Variants in ZNF667 observed in about 807,000 individuals in gnomAD.
The protein encoded by ZNF667 is zinc finger protein 667.
ZNF667 carries 13 observed loss-of-function variants against 31.8 expected under a neutral mutation model. The ratio of observed to expected loss-of-function variants is 0.41; its 90% CI spans 0.27 to 0.65. The LOEUF (loss-of-function observed/expected upper bound fraction) is 0.65. Among genes scored for constraint, ZNF667 ranks in the 30% least tolerant of loss-of-function variants. The pLI is 0.32. For missense variants in ZNF667, 642 were observed against 725.6 expected (o/e 0.88, Z 1.32); for synonymous variants, 228 against 247.1 (o/e 0.92, Z 0.73).
intron 5 of ZNF667, among the ~76,000 whole-genome samples, chr19:56,459,487 T>C (rs1307281879): frequency 6.6e-6 from 1 of 152,148 alleles, no homozygotes; most frequent in Non-Finnish European, 1.5e-5. Flanking sequence ...CTCAGAAGTA[T>C]AAACAAACCA....
At chr19:56,451,464 G>C (rs1054028608) in intron 6 of ZNF667, among the ~76,000 whole-genome samples, 1 of 152,152 alleles carries the variant, frequency 6.6e-6, no homozygotes, top group African/African-American at 2.4e-5. Flanking sequence ...GGACCTAATA[G>C]ATATTTACAG....
At chr19:56,456,812 T>C (rs2042939878) in intron 6 of ZNF667, among the ~76,000 whole-genome samples, 1 of 152,250 alleles carries the variant, frequency 6.6e-6, no homozygotes, top group African/African-American at 2.4e-5. Flanking sequence ...GATAACTCTA[T>C]GTATAAACTG....
intron 6 of ZNF667, among the ~76,000 whole-genome samples, chr19:56,449,048 A>G (rs1469116204): frequency 6.6e-6 from 1 of 151,306 alleles, no homozygotes; most frequent in Non-Finnish European, 1.5e-5. Context: ...ATCTTACCAA[A>G]GACCACCAAG....
At chr19:56,458,274 G>T in intron 5 of ZNF667, 27 bp from the exon 6 acceptor site, 1 of 1,603,516 alleles carries the variant, frequency 6.2e-7, no homozygotes, top group Non-Finnish European at 8.5e-7. Context: ...CATGGGAAAT[G>T]ATCATAAATG....
intron 3 of ZNF667, among the ~76,000 whole-genome samples, chr19:56,470,410 T>C (rs1568455358): frequency 2.0e-5 from 3 of 152,206 alleles, no homozygotes; most frequent in African/African-American, 7.2e-5. Context: ...CTCCTTTCTA[T>C]GCATCACACC....
At chr19:56,470,439 T>A (rs1462966221) in intron 3 of ZNF667, among the ~76,000 whole-genome samples, 2 of 152,172 alleles carry the variant, frequency 1.3e-5, no homozygotes, top group Non-Finnish European at 2.9e-5. Context: ...TAACCTTGAA[T>A]GGCAAATCAA....
intron 3 of ZNF667, among the ~76,000 whole-genome samples, chr19:56,464,410 C>T (rs899847753): frequency 9.9e-5 from 15 of 152,234 alleles, no homozygotes; most frequent in Admixed American, 2.0e-4. Flanking sequence ...GGGAGGATTG[C>T]TTGAGCCTGG....
intron 2 of ZNF667, chr19:56,473,149 T>C (rs2043329158): frequency 1.3e-5 from 2 of 152,226 alleles, no homozygotes; most frequent in Admixed American, 6.5e-5. Flanking sequence ...GCAGAGTTTA[T>C]AGAAAGGGGC....
At chr19:56,456,969 C>A (rs545222063) in intron 6 of ZNF667, among the ~76,000 whole-genome samples, 11 of 152,262 alleles carry the variant, frequency 7.2e-5, no homozygotes, top group African/African-American at 2.6e-4. Flanking sequence ...GTGCTTCCAT[C>A]TGGCTTCCGT....
chr19:56,458,866 C>T (rs748722156), intron 5 of ZNF667, among the ~76,000 whole-genome samples: 3 of 152,146 alleles, frequency 2.0e-5, no homozygotes, highest in Non-Finnish European at 2.9e-5. Context: ...ATAAGTAAAG[C>T]GCCTCCCTGA....
At chr19:56,473,642 T>A (rs576837623) in intron 2 of ZNF667, among the ~76,000 whole-genome samples, 1 of 152,140 alleles carries the variant, frequency 6.6e-6, no homozygotes, top group South Asian at 2.1e-4. Flanking sequence ...ATCTAGTGAG[T>A]GGAGGCCAGG....
At position 56,441,531 on chromosome 19, in the gene ZNF667, T is replaced by G; in HGVS notation, c.1464A>C (p.Arg488=). 1 of 1,614,228 alleles carries G rather than the reference T, an allele frequency of 6.2e-7. No individual in the cohort carries two copies. Among genetic ancestry groups the G allele is most frequent in the Non-Finnish European group, 8.5e-7 (1 of 1,180,050 alleles). ...TATCTTCAGTATGAATTCTCTTATG[T>G]CGTGTGAGAGATATTCGGTGGCTGA... ...KAFSHRISLT[R]HKRIHTEDRP... is the part of the protein sequence containing the mutation. The change falls in exon 7 of 7, where the codon CGA becomes CGC. Residue 488 remains arginine, a synonymous_variant. Coordinates refer to ENST00000504904, the MANE Select transcript of ZNF667 (RefSeq NM_001321356.2). This position sits in a 1 kb window ranked among gnomAD's most constrained non-coding sequence, Gnocchi z 4.2.
chr19:56,477,988 A>C (rs2043454822), upstream of ZNF667: 1 of 152,408 alleles, frequency 6.6e-6, no homozygotes, highest in Admixed American at 6.5e-5. Flanking sequence ...CTGACCCGGG[A>C]GAGCAGCGGA....
chr19:56,460,892 T>A, intron 4 of ZNF667, 77 bp from the exon 5 acceptor site: 1 of 1,413,828 alleles, frequency 7.1e-7, no homozygotes, highest in Non-Finnish European at 9.4e-7. Flanking sequence ...GCACACATCT[T>A]AAACATGGGA....
chr19:56,465,405 G>C (rs1042771049), intron 3 of ZNF667, among the ~76,000 whole-genome samples: 4 of 152,238 alleles, frequency 2.6e-5, no homozygotes, highest in African/African-American at 9.6e-5. Context: ...GAGAAGCTAG[G>C]CAGAAGAATG....
chr19:56,448,524 G>T (rs545642911), intron 6 of ZNF667, among the ~76,000 whole-genome samples: 2 of 152,250 alleles, frequency 1.3e-5, no homozygotes, highest in South Asian at 4.1e-4. Context: ...GTGGCCAAGA[G>T]AGTGTTTGTA....
chr19:56,445,221 A>AC, intron 6 of ZNF667, among the ~76,000 whole-genome samples: 1 of 1,156 alleles, frequency 8.7e-4, no homozygotes. Context: ...ATCACCTCCC[A>AC]CAGACCCCAC....
At chr19:56,471,538 G>A (rs367949002) in intron 3 of ZNF667, among the ~76,000 whole-genome samples, 161 bp downstream of exon 3, 2 of 152,152 alleles carry the variant, frequency 1.3e-5, no homozygotes, top group African/African-American at 2.4e-5. Context: ...AGTACAGGAG[G>A]GCTAATGCCT....
At position 56,462,301 on chromosome 19, in the gene ZNF667, A is replaced by T. The variant is rs760782672; in HGVS notation, c.33+37T>A. On this transcript the variant is annotated intron_variant, in intron 4 of 6. Coordinates refer to ENST00000504904, the MANE Select transcript of ZNF667 (RefSeq NM_001321356.2). Reference sequence around the variant, plus strand: ...AATGGTCCACATCTCACAAGACACGATGGGGTGTTCCGGAAGGAAGAGGAA... The same window carrying T: ...AATGGTCCACATCTCACAAGACACGTTGGGGTGTTCCGGAAGGAAGAGGAA... The T allele has an allele frequency of 1.9e-6, 3 of 1,613,750 alleles. No homozygotes were observed. The African/African-American group carries it at 4.0e-5, about 22-fold the overall frequency.
Sources: allele counts gnomAD v4.1 joint callset (sites outside exome capture counted in the v4.1 genomes callset), GRCh38; gene constraint gnomAD v4.1.1; non-coding constraint Gnocchi (gnomAD v3.1); transcripts MANE v1.5; gene names NCBI Gene and HGNC (gene_info 2026-07-23, HGNC 2026-07-21).